The following ATP13A5 variants were observed in gnomAD, a reference collection of about 807,000 sequenced individuals.
ATP13A5 encodes the protein probable cation-transporting ATPase 13A5.
ATP13A5 carries 149 observed loss-of-function variants against 150.2 expected under a neutral mutation model. The ratio of observed to expected loss-of-function variants is 0.99; its 90% CI spans 0.87 to 1.14. ATP13A5 has a LOEUF of 1.14. Ranked by LOEUF, ATP13A5 falls within the 50% of genes most tolerant of loss-of-function variation. The pLI is 0.00. For synonymous variants in ATP13A5, 497 were observed against 522.2 expected (o/e 0.95, Z 0.66); for missense variants, 1,383 against 1,449.3 (o/e 0.95, Z 0.74).
At chr3:193,337,157 G>C (rs1020942977) in intron 9 of ATP13A5, among the ~76,000 whole-genome samples, 1 of 152,062 alleles carries the variant, frequency 6.6e-6, no homozygotes, top group Non-Finnish European at 1.5e-5. Context: ...AGATGAGTAG[G>C]TTGCAAAAAT....
intron 13 of ATP13A5, among the ~76,000 whole-genome samples, chr3:193,325,401 T>C (rs1193624303): frequency 6.6e-6 from 1 of 152,236 alleles, no homozygotes; most frequent in East Asian, 1.9e-4. Context: ...TTGAGTTGGA[T>C]ATGAATTTTG....
At chr3:193,351,808 C>T (rs1712573734) in intron 6 of ATP13A5, among the ~76,000 whole-genome samples, 2 of 152,188 alleles carry the variant, frequency 1.3e-5, no homozygotes, top group East Asian at 3.8e-4. Context: ...GAGCAGAAAG[C>T]AGAAGGTATT....
At chr3:193,354,068 G>T in intron 6 of ATP13A5, 59 bp downstream of exon 6, 1 of 1,401,056 alleles carries the variant, frequency 7.1e-7, no homozygotes, top group Non-Finnish European at 9.8e-7. Flanking sequence ...CTTCTAGGAA[G>T]TAAGAAGTAA....
chr3:193,360,763 G>A lies in ATP13A5; in HGVS notation c.536+1618C>T, dbSNP rs181696600. Among the ~76,000 whole-genome samples the A allele has an allele frequency of 1.9e-3, 289 of 152,078 alleles. 1 individual carries two copies. The highest frequency in any genetic ancestry group is 6.8e-3 in the African/African-American group (281 of 41,478). The stretch of plus-strand genomic sequence containing the variant: ...ATGATCTCAGCTCTCTGCAACCTCC[G>A]CCTCCCGGGTCCAAGCAATTCTCCT... On this transcript the variant is annotated intron_variant, in intron 5 of 29. Transcript: ENST00000342358.
At chr3:193,289,611 G>C (rs1717864932) in intron 26 of ATP13A5, among the ~76,000 whole-genome samples, 1 of 151,920 alleles carries the variant, frequency 6.6e-6, no homozygotes, top group East Asian at 1.9e-4. Flanking sequence ...GCCAACCCCT[G>C]GTCTATAAAA....
At chr3:193,338,748 T>C (rs1711995908) in intron 9 of ATP13A5, among the ~76,000 whole-genome samples, 2 of 152,214 alleles carry the variant, frequency 1.3e-5, no homozygotes, top group Non-Finnish European at 2.9e-5. Flanking sequence ...GCTGGCCTCA[T>C]AAAATGAGTT....
chr3:193,279,694 C>T (rs1327236175), intron 27 of ATP13A5, among the ~76,000 whole-genome samples: 1 of 152,078 alleles, frequency 6.6e-6, no homozygotes, highest in African/African-American at 2.4e-5. Flanking sequence ...AAGTAACCTC[C>T]ATAAAGCAGC....
chr3:193,370,291 C>T (rs1165940987), intron 1 of ATP13A5, among the ~76,000 whole-genome samples: 1 of 152,206 alleles, frequency 6.6e-6, no homozygotes, highest in Non-Finnish European at 1.5e-5. Flanking sequence ...CCAGGCTTCC[C>T]TTCCAGGTCT....
chr3:193,359,358 G>A (rs1452264642), intron 5 of ATP13A5, among the ~76,000 whole-genome samples: 1 of 151,972 alleles, frequency 6.6e-6, no homozygotes, highest in African/African-American at 2.4e-5. Context: ...AAGAGAGTAG[G>A]GTCTCACAGC....
In ATP13A5 at chr3:193,275,104, G is replaced by C. The variant is rs1433649791; in HGVS notation, c.3595C>G (p.Pro1199Ala). 6.2e-7 allele frequency: 1 copy of C among 1,614,156 alleles called. No homozygotes were observed. Among genetic ancestry groups the C allele is most frequent in the African/African-American group, 1.3e-5 (1 of 75,040 alleles). The change falls in exon 30 of 30, where the codon CCA (proline) becomes GCA (alanine). Residue 1199 changes from proline to alanine, a missense_variant. This residue lies in a region of ATP13A5 where 568 missense variants were observed against 621.5 expected (regional missense o/e 0.91). Transcript: ENST00000342358. ...CCTCCCAATTTGAGTTTTCTTTTTG[G>C]AATCTGTTCATGGCTTTCATAGCCT... ...NGGYESHEQI[P>A]KRKLKLGGQP...
intron 27 of ATP13A5, among the ~76,000 whole-genome samples, chr3:193,280,130 A>G (rs1717418456): frequency 1.3e-5 from 2 of 151,964 alleles, no homozygotes; most frequent in Admixed American, 1.3e-4. Flanking sequence ...GGCTCACTGC[A>G]ACCTCCGCCT....
At chr3:193,372,832 A>G (rs1713499938) in intron 1 of ATP13A5, among the ~76,000 whole-genome samples, 1 of 152,198 alleles carries the variant, frequency 6.6e-6, no homozygotes, top group South Asian at 2.1e-4. Flanking sequence ...CTCACCTACA[A>G]TCCAGCCTAG....
At chr3:193,288,654 A>G (rs1717821917) in intron 26 of ATP13A5, among the ~76,000 whole-genome samples, 1 of 152,164 alleles carries the variant, frequency 6.6e-6, no homozygotes, top group Non-Finnish European at 1.5e-5. Flanking sequence ...CTTTATTGCA[A>G]TATTCACTTT....
intron 27 of ATP13A5, among the ~76,000 whole-genome samples, chr3:193,280,299 G>T (rs187703950): frequency 6.6e-6 from 1 of 152,110 alleles, no homozygotes; most frequent in African/African-American, 2.4e-5. Context: ...CGATCCACCC[G>T]CCTCGGCCTC....
rs188166655 is a variant in ATP13A5, at chr3:193,317,415, A to T, written c.2033+1576T>A. Among the ~76,000 whole-genome samples the T allele has an allele frequency of 2.3e-3, 345 of 152,260 alleles. 4 individuals are homozygous for T. Among genetic ancestry groups the T allele is most frequent in the Middle Eastern group, 6.8e-3 (2 of 294 alleles). On this transcript the variant is annotated intron_variant, in intron 17 of 29. Coordinates refer to ENST00000342358, the MANE Select transcript of ATP13A5 (RefSeq NM_198505.4). ...TTCATGAGGACAAGGATTTTATTTT[A>T]TTCACTTCCAAATAAGTTCTCAATT...
At chr3:193,375,558 G>A (rs962661599) in intron 1 of ATP13A5, among the ~76,000 whole-genome samples, 17 of 152,172 alleles carry the variant, frequency 1.1e-4, no homozygotes, top group African/African-American at 4.1e-4. Flanking sequence ...ACCTATTAGA[G>A]CTAGATAGTA....
intron 7 of ATP13A5, among the ~76,000 whole-genome samples, chr3:193,348,805 C>T (rs1332218412): frequency 1.3e-5 from 2 of 152,114 alleles, no homozygotes; most frequent in Admixed American, 1.3e-4. Context: ...AAAGCCCTTC[C>T]CCAAATCTTA....
At chr3:193,293,665 T>C (rs1439560651) in intron 25 of ATP13A5, among the ~76,000 whole-genome samples, 1 of 152,128 alleles carries the variant, frequency 6.6e-6, no homozygotes, top group Non-Finnish European at 1.5e-5. Flanking sequence ...GTTTACTTTT[T>C]ATTCCAAACA....
chr3:193,309,492 C>G (rs917265202), intron 21 of ATP13A5, among the ~76,000 whole-genome samples: 1 of 152,106 alleles, frequency 6.6e-6, no homozygotes, highest in Non-Finnish European at 1.5e-5. Flanking sequence ...TCAGCGATCC[C>G]CAGCTCCTGG....
Sources: allele counts gnomAD v4.1 joint callset (sites outside exome capture counted in the v4.1 genomes callset), GRCh38; gene constraint gnomAD v4.1.1; regional missense constraint gnomAD v4.1.1; transcripts MANE v1.5; gene names NCBI Gene and HGNC (gene_info 2026-07-23, HGNC 2026-07-21).